Variants in PTCD3 observed in about 807,000 individuals in gnomAD.
The protein encoded by PTCD3 is small ribosomal subunit protein mS39.
Under a neutral mutation model 101.9 loss-of-function variants are expected in PTCD3, and 89 were observed. The ratio of observed to expected loss-of-function variants is 0.87; its 90% CI spans 0.74 to 1.04. The LOEUF (loss-of-function observed/expected upper bound fraction) is 1.04, where lower values mean the gene tolerates loss of function less well. PTCD3 is among the 50% of genes least tolerant of loss of function. The pLI is 0.00. For synonymous variants in PTCD3, 296 were observed against 278.5 expected (o/e 1.06, Z -0.63); for missense variants, 870 against 828.2 (o/e 1.05, Z -0.62).
intron 7 of PTCD3, 84 bp from the exon 8 acceptor site, chr2:86,121,395 T>TA (rs1320866336): frequency 8.4e-6 from 7 of 832,708 alleles, no homozygotes; most frequent in African/African-American, 1.7e-5. Context: ...ACCGCTAATA[T>TA]AAAAAAATGA....
chr2:86,106,682 C>T (rs146869730), intron 1 of PTCD3, among the ~76,000 whole-genome samples: 1 of 152,188 alleles, frequency 6.6e-6, no homozygotes, highest in Admixed American at 6.5e-5. Context: ...CGCCATTACT[C>T]ATTTTAACCC....
chr2:86,128,130 A>G, intron 14 of PTCD3, 139 bp downstream of exon 14: 1 of 754,694 alleles, frequency 1.3e-6, no homozygotes, highest in Admixed American at 2.7e-5. Flanking sequence ...GTACAGCCTG[A>G]GCAGAAAGTT....
chr2:86,110,963 T>G, intron 3 of PTCD3, 150 bp from the exon 4 acceptor site: 1 of 798,810 alleles, frequency 1.3e-6, no homozygotes, highest in Non-Finnish European at 2.2e-6. Context: ...TTTCTTAATT[T>G]CTAATTTATT....
rs1674523409 is a variant in PTCD3, at chr2:86,133,163, T to C, written c.1374-15T>C. Reference sequence around the variant, plus strand: ...AGGGACTTTAGACTAAACATACTTTTTGCCTTCATCACAGTTCCAAGTTCT... The same window carrying C: ...AGGGACTTTAGACTAAACATACTTTCTGCCTTCATCACAGTTCCAAGTTCT... On this transcript the variant is annotated splice_polypyrimidine_tract_variant and intron_variant, in intron 17 of 23. Transcript: ENST00000254630. 1 of 1,611,834 alleles carries C rather than the reference T, an allele frequency of 6.2e-7. No homozygotes were observed. The highest frequency in any genetic ancestry group is 8.5e-7 in the Non-Finnish European group (1 of 1,179,338).
In PTCD3 at chr2:86,121,467, T is replaced by C. The variant is rs1382786834; in HGVS notation, c.539-12T>C. 15 of 1,524,068 alleles carry C rather than the reference T, an allele frequency of 9.8e-6. No individual in the cohort carries two copies. Among genetic ancestry groups the C allele is most frequent in the Non-Finnish European group, 1.3e-5 (14 of 1,115,712 alleles). 94.4% of individuals were successfully genotyped at this position (1,524,068 alleles called of 1,614,324 possible). A position where few individuals can be genotyped will look rare whatever the true frequency, so the allele number is the denominator to read the frequency against. ...TTCAAGGTTTCTTTATCTTTCTGTCTCTTACCCACAGGAACCACTGTGTCT... is the reference window on the plus strand; with the variant it reads ...TTCAAGGTTTCTTTATCTTTCTGTCCCTTACCCACAGGAACCACTGTGTCT... On this transcript the variant is annotated splice_polypyrimidine_tract_variant and intron_variant, in intron 7 of 23. Transcript: ENST00000254630.
chr2:86,108,219 C>T (rs1674001473), intron 1 of PTCD3, 131 bp from the exon 2 acceptor site: 4 of 969,906 alleles, frequency 4.1e-6, no homozygotes, highest in South Asian at 3.5e-5. Flanking sequence ...GTCTTCTCAG[C>T]GTTCATTGAC....
chr2:86,126,711 C>T (rs1315069258), intron 12 of PTCD3, among the ~76,000 whole-genome samples: 2 of 151,914 alleles, frequency 1.3e-5, no homozygotes, highest in African/African-American at 4.8e-5. Context: ...GTGGTGCTCG[C>T]CTGTAGTCGC....
At chr2:86,120,126 GA>G (rs1674255837) in intron 7 of PTCD3, among the ~76,000 whole-genome samples, 1 of 152,214 alleles carries the variant, frequency 6.6e-6, no homozygotes, top group Non-Finnish European at 1.5e-5. Flanking sequence ...GATGGCAATA[GA>G]TTGTAATTTA....
intron 9 of PTCD3, among the ~76,000 whole-genome samples, chr2:86,124,745 T>G (rs748284434): frequency 6.6e-6 from 1 of 152,238 alleles, no homozygotes; most frequent in Non-Finnish European, 1.5e-5. Flanking sequence ...TATACTTGTT[T>G]ATAAACTTTT....
At chr2:86,109,830 G>A (rs1674041475) in intron 3 of PTCD3, among the ~76,000 whole-genome samples, 1 of 152,156 alleles carries the variant, frequency 6.6e-6, no homozygotes, top group Non-Finnish European at 1.5e-5. Flanking sequence ...ACATTGAAAG[G>A]AATTAATTAG....
chr2:86,119,419 C>T, intron 7 of PTCD3: 1 of 180,888 alleles, frequency 5.5e-6, no homozygotes, highest in Non-Finnish European at 1.1e-5. Flanking sequence ...TGCAGTGGCG[C>T]AATCTCGGCT....
rs575036301 is a variant in PTCD3, at chr2:86,106,267, T to C, written c.20T>C (p.Val7Ala). Residue 7 changes from valine to alanine, a missense_variant, in exon 1 of 24, where the codon GTT (valine) becomes GCT (alanine). Coordinates refer to ENST00000254630, the MANE Select transcript of PTCD3 (RefSeq NM_017952.6). MAVVSA[V>A]RWLGLRSRLG... ...TCAAAGATGGCGGTTGTATCTGCTGTTCGCTGGCTGGGCCTCCGCAGCAGG... is the reference window on the plus strand; with the variant it reads ...TCAAAGATGGCGGTTGTATCTGCTGCTCGCTGGCTGGGCCTCCGCAGCAGG... The C allele has an allele frequency of 3.1e-6, 5 of 1,614,092 alleles. No homozygotes were observed. In the South Asian group the frequency reaches 4.4e-5, roughly 14 times the overall value.
intron 3 of PTCD3, among the ~76,000 whole-genome samples, chr2:86,110,460 G>C (rs1220674266): frequency 6.6e-6 from 1 of 152,170 alleles, no homozygotes; most frequent in African/African-American, 2.4e-5. Context: ...ATCTAACATA[G>C]GAGCACAAAT....
Position 86,106,311 on chromosome 2 carries a change from G to T in PTCD3, c.64G>T (p.Gly22Cys). 1 of 1,614,070 alleles carries T rather than the reference G, an allele frequency of 6.2e-7. No homozygotes were observed. The highest frequency in any genetic ancestry group is 8.5e-7 in the Non-Finnish European group (1 of 1,180,002). ...CAGCAGGCTTGGCCAGCCGCTGACG[G>T]GTCGGCGGGCGGGTTTGTGTGAACA... is the stretch of plus-strand genomic sequence containing the variant. ...LRSRLGQPLT[G>C]RRAGLCEQAR... Residue 22 changes from glycine (G) to cysteine (C), a missense_variant, in exon 1 of 24, where the codon GGT (glycine) becomes TGT (cysteine). Physicochemically the swap from Gly to Cys is radical, Grantham distance 159. Coordinates refer to ENST00000254630, the MANE Select transcript of PTCD3 (RefSeq NM_017952.6).
At chr2:86,126,874 A>G (rs928793470) in intron 12 of PTCD3, among the ~76,000 whole-genome samples, 4 of 151,708 alleles carry the variant, frequency 2.6e-5, no homozygotes, top group Admixed American at 6.6e-5. Flanking sequence ...TTTATATCAT[A>G]CTAGTCTATT....
Position 86,138,308 on chromosome 2 carries a change from T to C in PTCD3, c.*749T>C, listed in dbSNP as rs973751809. 4 of 152,196 alleles carry C rather than the reference T, an allele frequency of 2.6e-5. No individual in the cohort carries two copies. Among genetic ancestry groups the C allele is most frequent in the Admixed American group, 2.0e-4 (3 of 15,264 alleles). 9.4% of individuals were successfully genotyped at this position (152,196 alleles called of 1,614,324 possible). On this transcript the variant is annotated 3_prime_UTR_variant, in exon 24 of 24. Coordinates refer to ENST00000254630, the MANE Select transcript of PTCD3 (RefSeq NM_017952.6). ...GGAATGTCTTCTTGACATCATTGTG[T>C]ATTGCTGGTAATCAAGTTGGTAACG... is the stretch of plus-strand genomic sequence containing the variant.
chr2:86,111,058 G>A lies in PTCD3; in HGVS notation c.195-55G>A, dbSNP rs536419538. 1.4e-4 allele frequency: 204 copies of A among 1,487,382 alleles called. No individual in the cohort carries two copies. In the South Asian group the frequency reaches 1.5e-3, roughly 11 times the overall value. The allele number at this position is 1,487,382 out of a possible 1,614,324, so 92.1% of individuals were successfully genotyped here. Reference sequence around the variant, plus strand: ...ACACTGAGAGTAGAATCACTTGTTCGGTTTGTGGCTATGAAGAGCCCTGAT... The same window carrying A: ...ACACTGAGAGTAGAATCACTTGTTCAGTTTGTGGCTATGAAGAGCCCTGAT... On this transcript the variant is annotated intron_variant, in intron 3 of 23. Coordinates refer to ENST00000254630, the MANE Select transcript of PTCD3 (RefSeq NM_017952.6).
At chr2:86,107,106 A>G (rs760512933) in intron 1 of PTCD3, 1 of 470,964 alleles carries the variant, frequency 2.1e-6, no homozygotes, top group South Asian at 1.5e-5. Context: ...TTTTATATGT[A>G]CTCTCCCTTA....
At chr2:86,108,634 A>G in intron 3 of PTCD3, 98 bp downstream of exon 3, 1 of 1,215,890 alleles carries the variant, frequency 8.2e-7, no homozygotes, top group East Asian at 2.5e-5. Context: ...GAAGAGCAAT[A>G]GGAGAGCATT....
Sources: allele counts gnomAD v4.1 joint callset (sites outside exome capture counted in the v4.1 genomes callset), GRCh38; gene constraint gnomAD v4.1.1; transcripts MANE v1.5; gene names NCBI Gene and HGNC (gene_info 2026-07-23, HGNC 2026-07-21).